Variants in CTBP2 observed in about 807,000 individuals in gnomAD.
The protein encoded by CTBP2 is C-terminal binding protein 2, also known as C-terminal-binding protein 2.
A neutral mutation model predicts 80.3 loss-of-function variants in CTBP2; 30 were observed. That is an observed-to-expected ratio of 0.37 (90% confidence interval 0.28 to 0.51). CTBP2 has a LOEUF of 0.51. CTBP2 is among the 20% of genes least tolerant of loss of function. The pLI, the probability that CTBP2 is intolerant of heterozygous loss-of-function variation, is 0.93. For synonymous variants in CTBP2, 594 were observed against 587.4 expected, an observed-to-expected ratio of 1.01 and a Z score of -0.16; for missense variants, 1,212 against 1,375.3, an observed-to-expected ratio of 0.88 and a Z score of 1.88.
At chr10:125,037,824 A>T (rs1261661745) in intron 3 of CTBP2, among the ~76,000 whole-genome samples, 2 of 152,070 alleles carry the variant, frequency 1.3e-5, no homozygotes, top group Non-Finnish European at 2.9e-5. Flanking sequence ...CTGCCCCTGA[A>T]TTTTTTCAGA....
At chr10:125,100,083 T>C (rs1850378909) in intron 2 of CTBP2, among the ~76,000 whole-genome samples, 1 of 152,240 alleles carries the variant, frequency 6.6e-6, no homozygotes, top group Admixed American at 6.5e-5. Flanking sequence ...GTTAACGGCA[T>C]GCACAGATGT....
intron 4 of CTBP2, chr10:124,996,101 A>G (rs1953511110): frequency 7.1e-6 from 1 of 141,086 alleles, no homozygotes; most frequent in Non-Finnish European, 1.5e-5. Flanking sequence ...TTTATCCATG[A>G]GATTTTCTGA....
At chr10:125,017,930 ATCATGATGACTGCTGCTCCAGAGCCCG>A (rs1956656436) in intron 1 of CTBP2, among the ~76,000 whole-genome samples, 1 of 152,218 alleles carries the variant, frequency 6.6e-6, no homozygotes. Flanking sequence ...CTCAGAGCCC[ATCATGATGACTGCTGCTCCAGAGCCCG>A]TCATGACTCT....
chr10:125,002,611 G>A (rs12771627), intron 3 of CTBP2, among the ~76,000 whole-genome samples: 31,403 of 152,108 alleles, frequency 0.21, 3,956 homozygotes, highest in Middle Eastern at 0.38. Flanking sequence ...TTTAGGGGAC[G>A]CACCCAGCAG....
chr10:125,098,388 G>A (rs1028607517), intron 2 of CTBP2, among the ~76,000 whole-genome samples: 8 of 152,102 alleles, frequency 5.3e-5, no homozygotes, highest in African/African-American at 1.7e-4. Flanking sequence ...CCTGGTGGCT[G>A]AGAATATAGT....
At chr10:125,036,407 C>A (rs529453962) in intron 3 of CTBP2, among the ~76,000 whole-genome samples, 1 of 151,988 alleles carries the variant, frequency 6.6e-6, no homozygotes, top group South Asian at 2.1e-4. Flanking sequence ...CTGGTGTATC[C>A]AGACACCAAG....
At chr10:125,038,712 T>G (rs1166990794) in intron 3 of CTBP2, among the ~76,000 whole-genome samples, 1 of 152,198 alleles carries the variant, frequency 6.6e-6, no homozygotes, top group Non-Finnish European at 1.5e-5. Context: ...ATCTTTTATA[T>G]GCAAAATAAC....
At chr10:125,127,586 T>C (rs1006818361) in intron 1 of CTBP2, among the ~76,000 whole-genome samples, 2 of 152,184 alleles carry the variant, frequency 1.3e-5, no homozygotes, top group Admixed American at 1.3e-4. Flanking sequence ...CCACATGGAA[T>C]GGCCTCCTCT....
intron 1 of CTBP2, among the ~76,000 whole-genome samples, chr10:125,017,204 C>A (rs1484385666): frequency 6.6e-6 from 1 of 152,222 alleles, no homozygotes; most frequent in African/African-American, 2.4e-5. Flanking sequence ...CAGAAGGTGA[C>A]ACGCAGGAGG....
chr10:125,156,269 T>G (rs1211461418), intron 1 of CTBP2, among the ~76,000 whole-genome samples: 14 of 152,182 alleles, frequency 9.2e-5, no homozygotes, highest in African/African-American at 3.4e-4. Flanking sequence ...GGCTGCTGCT[T>G]TTCCCTGATA....
At chr10:125,031,746 C>T (rs1958243133), upstream of CTBP2, among the ~76,000 whole-genome samples, 1 of 152,206 alleles carries the variant, frequency 6.6e-6, no homozygotes, top group South Asian at 2.1e-4. Flanking sequence ...GGGCTGAGTG[C>T]ACCGTGCACC....
chr10:125,078,052 G>C (rs1377955472), intron 2 of CTBP2, among the ~76,000 whole-genome samples: 2 of 151,922 alleles, frequency 1.3e-5, no homozygotes, highest in Non-Finnish European at 2.9e-5. Context: ...AGGCCAAGAC[G>C]GGCAGATCAC....
At chr10:125,127,450 A>G (rs1855467525) in intron 1 of CTBP2, among the ~76,000 whole-genome samples, 1 of 152,226 alleles carries the variant, frequency 6.6e-6, no homozygotes, top group Admixed American at 6.5e-5. Flanking sequence ...ATCTTCTCTC[A>G]AACGCCTATC....
rs765985840 is a variant in CTBP2, at chr10:125,026,791, G to A, written c.969C>T (p.Thr323=). 4.3e-6 allele frequency: 7 copies of A among 1,613,228 alleles called. No homozygotes were observed. The highest frequency in any genetic ancestry group is 5.9e-6 in the Non-Finnish European group (7 of 1,179,974). ...CAGACTTGATATCCGCGTCCTCCAGGGTAGCCAGGACGGCCGGGGAGTCAA... is the reference window on the plus strand; with the variant it reads ...CAGACTTGATATCCGCGTCCTCCAGAGTAGCCAGGACGGCCGGGGAGTCAA... The change falls in exon 1 of 9, where the codon ACC becomes ACT. Residue 323 remains threonine, a synonymous_variant. Transcript: ENST00000309035.
chr10:125,113,609 G>A (rs1347201023), intron 1 of CTBP2, among the ~76,000 whole-genome samples: 1 of 152,202 alleles, frequency 6.6e-6, no homozygotes, highest in African/African-American at 2.4e-5. Context: ...TGGAAAGGAA[G>A]GAGGGATGGA....
intron 1 of CTBP2, among the ~76,000 whole-genome samples, chr10:125,120,321 T>A (rs570842417): frequency 6.6e-6 from 1 of 152,336 alleles, no homozygotes; most frequent in South Asian, 2.1e-4. Flanking sequence ...GAGAACCAAA[T>A]GGCTCAAAGT....
chr10:125,082,590 T>TTC (rs1847343453), intron 2 of CTBP2, among the ~76,000 whole-genome samples: 1 of 50,336 alleles, frequency 2.0e-5, no homozygotes, highest in Admixed American at 2.3e-4. Context: ...AGCTTTCCTC[T>TTC]TTTTTTTTTT....
intron 3 of CTBP2, 114 bp downstream of exon 5, chr10:125,002,846 C>T (rs1027718569): frequency 3.0e-6 from 4 of 1,349,902 alleles, no homozygotes; most frequent in East Asian, 2.4e-5. Flanking sequence ...CACCTTGCTA[C>T]AGCCAGAAGC....
intron 1 of CTBP2, among the ~76,000 whole-genome samples, chr10:125,159,679 C>T (rs986903227): frequency 6.7e-6 from 1 of 149,772 alleles, no homozygotes; most frequent in Non-Finnish European, 1.5e-5. Context: ...CGCTCACGCC[C>T]CGACTTCCCC....
Sources: allele counts gnomAD v4.1 joint callset (sites outside exome capture counted in the v4.1 genomes callset), GRCh38; gene constraint gnomAD v4.1.1; transcripts MANE v1.5; gene names NCBI Gene and HGNC (gene_info 2026-07-23, HGNC 2026-07-21).